The following DLGAP1 variants were observed in gnomAD, a reference collection of about 807,000 sequenced individuals.
DLGAP1 encodes the protein DLG associated protein 1.
A neutral mutation model predicts 90.8 loss-of-function variants in DLGAP1; 11 were observed. That is an observed-to-expected ratio of 0.12 (90% confidence interval 0.08 to 0.20). The LOEUF (loss-of-function observed/expected upper bound fraction) is 0.20. Ranked by LOEUF, DLGAP1 falls within the 10% of genes least tolerant of loss-of-function variation. The pLI is 1.00. For synonymous variants in DLGAP1, 558 were observed against 540.7 expected, an observed-to-expected ratio of 1.03 and a Z score of -0.44; for missense variants, 1,050 against 1,333.8, an observed-to-expected ratio of 0.79 and a Z score of 3.31.
At chr18:4,227,729 G>A (rs529791865) in intron 1 of DLGAP1, among the ~76,000 whole-genome samples, 7 of 150,646 alleles carry the variant, frequency 4.6e-5, no homozygotes, top group South Asian at 2.1e-4. Context: ...AACTATAAGC[G>A]CCTCCACCAA....
chr18:4,219,596 T>A (rs1195505029), intron 1 of DLGAP1, among the ~76,000 whole-genome samples: 1 of 152,124 alleles, frequency 6.6e-6, no homozygotes, highest in Non-Finnish European at 1.5e-5. Context: ...TTCTAGTTGC[T>A]TTATAGTTTC....
chr18:3,569,596 T>G (rs1312887423), intron 8 of DLGAP1, among the ~76,000 whole-genome samples: 1 of 152,018 alleles, frequency 6.6e-6, no homozygotes, highest in African/African-American at 2.4e-5. Context: ...GTATTTTCTT[T>G]TATGCTTTCA....
intron 7 of DLGAP1, among the ~76,000 whole-genome samples, chr18:3,593,013 G>A (rs191632101): frequency 2.0e-5 from 3 of 152,246 alleles, no homozygotes; most frequent in Admixed American, 2.0e-4. Context: ...AAGGCTCAGA[G>A]CAGGCAACGG....
intron 7 of DLGAP1, among the ~76,000 whole-genome samples, chr18:3,629,542 G>T (rs920571196): frequency 6.6e-6 from 1 of 151,814 alleles, no homozygotes; most frequent in East Asian, 1.9e-4. Flanking sequence ...CGTGTTGGTG[G>T]GCGCCTGTAG....
chr18:3,866,395 T>C (rs955436653), intron 4 of DLGAP1, among the ~76,000 whole-genome samples: 1 of 152,232 alleles, frequency 6.6e-6, no homozygotes, highest in Admixed American at 6.5e-5. Flanking sequence ...ATTAAACTCT[T>C]TCTTAGACAG....
In DLGAP1 at chr18:3,879,800, C is replaced by T. The variant is rs1440204317; in HGVS notation, c.269G>A (p.Arg90His). ...GCGGTTCGCCTTGGTGGCCAGGGTG[C>T]GGGGCACCAGGGCACACTCGTCCTT... ...ELKDECALVP[R>H]TLATKANRIP... is the part of the protein sequence containing the mutation. The change falls in exon 4 of 13, where the codon CGC (arginine) becomes CAC (histidine). Residue 90 changes from arginine (R) to histidine (H), a missense_variant. By Grantham distance (29) the Arg-to-His change is conservative. Coordinates refer to ENST00000315677, the MANE Select transcript of DLGAP1 (RefSeq NM_004746.4). This position sits in a 1 kb window ranked among gnomAD's most constrained non-coding sequence, Gnocchi z 6.6. 7.5e-6 allele frequency: 12 copies of T among 1,607,242 alleles called. No homozygotes were observed. The South Asian group carries it at 7.7e-5, about 10-fold the overall frequency.
At chr18:4,184,432 C>T (rs2077257908) in intron 1 of DLGAP1, among the ~76,000 whole-genome samples, 1 of 152,142 alleles carries the variant, frequency 6.6e-6, no homozygotes, top group East Asian at 1.9e-4. Context: ...CAAGAATTCT[C>T]CTAGTGGGCT....
rs562999042 is a variant in DLGAP1, at chr18:4,089,918, T to G, written c.-159+61262A>C. Among the ~76,000 whole-genome samples, 156 of 152,056 alleles carry G rather than the reference T, an allele frequency of 1.0e-3. 1 individual carries two copies. Among genetic ancestry groups the G allele is most frequent in the Admixed American group, 1.6e-3 (25 of 15,262 alleles). ...AAATTAGCCAGGTGCGGTGGCGGGC[T>G]CCTGTGGTCTCAGCTACTCAGGAGA... On this transcript the variant is annotated intron_variant, in intron 2 of 12. Transcript: ENST00000315677.
At position 3,870,632 on chromosome 18, in the gene DLGAP1, C is replaced by A. The variant is rs965435929; in HGVS notation, c.957+8480G>T. ...TCTATCTATCTATCTATCTATCTAT[C>A]TATCTATCTATCTATCTATCAAATA... On this transcript the variant is annotated intron_variant, in intron 4 of 12. Transcript: ENST00000315677. 2.0e-5 allele frequency among the ~76,000 whole-genome samples: 3 copies of A among 151,940 alleles called. No individual in the cohort carries two copies. The East Asian group carries it at 5.8e-4, about 29-fold the overall frequency.
At chr18:3,734,287 C>T (rs753814292) in intron 6 of DLGAP1, among the ~76,000 whole-genome samples, 4 of 152,036 alleles carry the variant, frequency 2.6e-5, no homozygotes, top group Non-Finnish European at 5.9e-5. Context: ...GGGTCTAGCT[C>T]TGTTGCCCAG....
At chr18:4,065,951 T>C (rs535508469) in intron 2 of DLGAP1, among the ~76,000 whole-genome samples, 26 of 120,764 alleles carry the variant, frequency 2.2e-4, no homozygotes, top group African/African-American at 8.3e-4. Flanking sequence ...AACAGCATGG[T>C]GCTAGTACAA....
intron 1 of DLGAP1, among the ~76,000 whole-genome samples, chr18:4,299,623 AAG>A (rs1286629598): frequency 4.6e-5 from 7 of 152,146 alleles, no homozygotes; most frequent in African/African-American, 1.7e-4. Flanking sequence ...GCAAATATAA[AAG>A]AGAGTGAAAA....
At chr18:3,741,075 A>C (rs1598537147) in intron 6 of DLGAP1, among the ~76,000 whole-genome samples, 1 of 104,628 alleles carries the variant, frequency 9.6e-6, no homozygotes, top group African/African-American at 4.0e-5. Context: ...CACCACCACC[A>C]CCACCATCAC....
intron 3 of DLGAP1, among the ~76,000 whole-genome samples, chr18:3,906,940 T>A (rs914794159): frequency 1.1e-4 from 17 of 152,284 alleles, no homozygotes; most frequent in African/African-American, 3.1e-4. Context: ...GTTTGTATTT[T>A]AAAAAAACAA....
chr18:3,902,010 G>A (rs2071794552), intron 3 of DLGAP1, among the ~76,000 whole-genome samples: 1 of 152,280 alleles, frequency 6.6e-6, no homozygotes, highest in South Asian at 2.1e-4. Flanking sequence ...AAAGTGAAGT[G>A]CATGTCTGCC....
At chr18:3,626,892 C>G (rs1282918403) in intron 7 of DLGAP1, among the ~76,000 whole-genome samples, 1 of 152,060 alleles carries the variant, frequency 6.6e-6, no homozygotes, top group African/African-American at 2.4e-5. Context: ...GAGTGAGACT[C>G]TGTCTCACAA....
chr18:4,086,641 A>C (rs1018307341), intron 2 of DLGAP1, among the ~76,000 whole-genome samples: 1 of 152,034 alleles, frequency 6.6e-6, no homozygotes, highest in Non-Finnish European at 1.5e-5. Context: ...ATTTAATTCC[A>C]TCGTGGTCTG....
chr18:3,811,524 T>C (rs577733767), intron 5 of DLGAP1, among the ~76,000 whole-genome samples: 78 of 152,290 alleles, frequency 5.1e-4, no homozygotes, highest in Non-Finnish European at 8.8e-4. Context: ...ATTTAGTAGG[T>C]GTTCTCCTGT....
In DLGAP1 at chr18:3,772,339, TCTCTC is replaced by T. The variant is rs1568108181; in HGVS notation, c.1173-29832_1173-29828del. ...CTTCCTTCCTTTCTCTCCTTCTCTC[TCTCTC>T]TCTCTTTCTTTCTTTCTTTCTTTCT... is the stretch of plus-strand genomic sequence containing the variant. On this transcript the variant is annotated intron_variant, in intron 5 of 12. Coordinates refer to ENST00000315677, the MANE Select transcript of DLGAP1 (RefSeq NM_004746.4). Among the ~76,000 whole-genome samples, 14 of 51,938 alleles carry T rather than the reference TCTCTC, an allele frequency of 2.7e-4. 1 individual carries two copies. Among genetic ancestry groups the T allele is most frequent in the African/African-American group, 1.3e-3 (14 of 10,992 alleles). The allele number at this position is 51,938 out of a possible 152,430, so 34.1% of individuals were successfully genotyped here.
Sources: gnomAD v4.1 joint callset for allele counts (sites outside exome capture counted in the v4.1 genomes callset) on GRCh38, gnomAD v4.1.1 for gene constraint, Gnocchi (gnomAD v3.1) non-coding constraint, MANE v1.5 for transcripts, NCBI Gene and HGNC (gene_info 2026-07-23, HGNC 2026-07-21) for gene names.